The following ANOS1 variants were observed in gnomAD, a reference collection of about 807,000 sequenced individuals.
The protein encoded by ANOS1 is anosmin-1.
In ANOS1, 6 loss-of-function variants were observed where a neutral mutation model predicts 59.0. The ratio of observed to expected loss-of-function variants is 0.10; its 90% confidence interval spans 0.06 to 0.20. The LOEUF (loss-of-function observed/expected upper bound fraction) is 0.20. Ranked by LOEUF, ANOS1 falls within the 10% of genes least tolerant of loss-of-function variation. The pLI is 1.00. For synonymous variants in ANOS1, 217 were observed against 223.4 expected, an observed-to-expected ratio of 0.97 and a Z score of 0.25; for missense variants, 433 against 542.3, an observed-to-expected ratio of 0.80 and a Z score of 2.00.
At chrX:8,725,571 CATATATACAGATAT>C (rs1433058931) in intron 1 of ANOS1, among the ~76,000 whole-genome samples, 1,583 of 9,834 alleles carry the variant, frequency 0.16, 214 homozygotes, top group African/African-American at 0.34. Flanking sequence ...TACAGATATA[CATATATACAGATAT>C]ATATATACAG....
intron 8 of ANOS1, among the ~76,000 whole-genome samples, chrX:8,560,439 T>G (rs759742418): frequency 8.9e-6 from 1 of 112,339 alleles, no homozygotes; most frequent in Admixed American, 9.4e-5. Context: ...GTAAATGATT[T>G]TGGTTTTGCA....
intron 4 of ANOS1, among the ~76,000 whole-genome samples, chrX:8,596,512 C>T (rs73199027): frequency 0.085 from 9,522 of 111,707 alleles, 353 homozygotes; most frequent in Admixed American, 0.13. Context: ...GTTTGATAAA[C>T]TGAACCTCCA....
intron 2 of ANOS1, among the ~76,000 whole-genome samples, chrX:8,638,878 C>T (rs945105314): frequency 9.0e-6 from 1 of 111,317 alleles, no homozygotes; most frequent in African/African-American, 3.3e-5. Context: ...ATGCTTAGAG[C>T]GACTGCTGGA....
At chrX:8,667,323 G>T (rs1230503578) in intron 2 of ANOS1, among the ~76,000 whole-genome samples, 4 of 109,557 alleles carry the variant, frequency 3.7e-5, no homozygotes, top group African/African-American at 1.3e-4. Context: ...GGGGATGGGG[G>T]TGGGGAGTTG....
At chrX:8,553,399 T>C (rs1461290655) in intron 9 of ANOS1, among the ~76,000 whole-genome samples, 1 of 111,307 alleles carries the variant, frequency 9.0e-6, no homozygotes, top group Non-Finnish European at 1.9e-5. Flanking sequence ...GTAGCATTTA[T>C]AGAATGTTAT....
chrX:8,655,244 G>A (rs1014694647), intron 2 of ANOS1, among the ~76,000 whole-genome samples: 7 of 111,424 alleles, frequency 6.3e-5, no homozygotes, highest in African/African-American at 2.3e-4. Context: ...TGGGGGTGAT[G>A]GGAGACAGTG....
chrX:8,665,628 T>C (rs1043470045), intron 2 of ANOS1, among the ~76,000 whole-genome samples: 3 of 112,267 alleles, frequency 2.7e-5, no homozygotes, highest in African/African-American at 9.7e-5. Flanking sequence ...AAATATTTCA[T>C]TATTAAGACT....
chrX:8,608,342 CTCATG>C (rs1392016114), intron 3 of ANOS1, among the ~76,000 whole-genome samples: 4 of 111,219 alleles, frequency 3.6e-5, no homozygotes, highest in Non-Finnish European at 7.6e-5. Flanking sequence ...GCCTAAAATC[CTCATG>C]TAAATAATTT....
chrX:8,538,450 C>A (rs997276897), intron 10 of ANOS1, among the ~76,000 whole-genome samples: 1 of 111,671 alleles, frequency 9.0e-6, no homozygotes, highest in African/African-American at 3.3e-5. Flanking sequence ...TTATTTCTAC[C>A]AGATACATTA....
At chrX:8,608,708 G>A (rs5978918) in intron 3 of ANOS1, among the ~76,000 whole-genome samples, 41,269 of 110,622 alleles carry the variant, frequency 0.37, 5,540 homozygotes, top group South Asian at 0.43. Flanking sequence ...GAAGAGACCA[G>A]GTGGGAGTAA....
chrX:8,710,603 T>C (rs1932807008), intron 1 of ANOS1, among the ~76,000 whole-genome samples: 1 of 111,838 alleles, frequency 8.9e-6, no homozygotes, highest in African/African-American at 3.3e-5. Context: ...AACTCGTTAA[T>C]GACATGTCAT....
At chrX:8,560,629 G>A (rs1261381398) in intron 8 of ANOS1, among the ~76,000 whole-genome samples, 1 of 112,278 alleles carries the variant, frequency 8.9e-6, no homozygotes, top group Non-Finnish European at 1.9e-5. Flanking sequence ...AAGAGGAATT[G>A]GTATACACTG....
chrX:8,587,006 T>TC (rs1930525827), intron 5 of ANOS1, among the ~76,000 whole-genome samples: 6 of 107,465 alleles, frequency 5.6e-5, no homozygotes, highest in Non-Finnish European at 1.2e-4. Flanking sequence ...CTAATCAACA[T>TC]AAGGTGAGAT....
In ANOS1 at chrX:8,551,183, A is replaced by C. The variant is rs145114373; in HGVS notation, c.1354+2769T>G. On this transcript the variant is annotated intron_variant, in intron 9 of 13. Transcript: ENST00000262648. ...ATAAATTACCCAGTCTCAGGTATTC[A>C]TAGCAGTATGAAAGTGGACTAATAC... 5.3e-3 allele frequency among the ~76,000 whole-genome samples: 594 copies of C among 112,091 alleles called. 5 individuals carry two copies. The highest frequency in any genetic ancestry group is 0.018 in the African/African-American group (570 of 30,829).
intron 4 of ANOS1, among the ~76,000 whole-genome samples, chrX:8,595,764 G>A (rs898596417): frequency 8.1e-5 from 9 of 111,081 alleles, no homozygotes; most frequent in African/African-American, 2.3e-4. Context: ...CTATATTAGG[G>A]GTCCCCAGCT....
At chrX:8,667,573 C>A (rs1932168431) in intron 2 of ANOS1, among the ~76,000 whole-genome samples, 1 of 111,897 alleles carries the variant, frequency 8.9e-6, no homozygotes, top group African/African-American at 3.3e-5. Context: ...ATGAAAACCA[C>A]TGTGGGCCGG....
intron 9 of ANOS1, among the ~76,000 whole-genome samples, chrX:8,550,779 A>G (rs985498993): frequency 9.7e-6 from 1 of 103,248 alleles, no homozygotes; most frequent in African/African-American, 3.5e-5. Context: ...GATCAGAAGG[A>G]AAAAAAAAAA....
At chrX:8,658,527 T>C (rs1260673639) in intron 2 of ANOS1, among the ~76,000 whole-genome samples, 4 of 112,476 alleles carry the variant, frequency 3.6e-5, no homozygotes. Flanking sequence ...TCAATGAATA[T>C]CTATCTGTTG....
chrX:8,530,958 A>G lies in ANOS1; in HGVS notation c.*2037T>C, dbSNP rs184924343. ...GAGAAGCTATCTATGGTATCCATTT[A>G]TTCAAGCTTAGGGATGTTTTCAAAT... On this transcript the variant is annotated 3_prime_UTR_variant, in exon 14 of 14. Transcript: ENST00000262648. The G allele has an allele frequency of 2.6e-3, 288 of 109,247 alleles. 2 individuals are homozygous for G. Among genetic ancestry groups the G allele is most frequent in the African/African-American group, 8.9e-3 (268 of 30,164 alleles). 9.0% of individuals were successfully genotyped at this position (109,247 alleles called of 1,213,427 possible).
Sources: allele counts gnomAD v4.1 joint callset (sites outside exome capture counted in the v4.1 genomes callset), GRCh38; gene constraint gnomAD v4.1.1; transcripts MANE v1.5; gene names NCBI Gene and HGNC (gene_info 2026-07-23, HGNC 2026-07-21).